The following MAPK8 variants were observed in gnomAD, a reference collection of about 807,000 sequenced individuals.
MAPK8 encodes the protein JUN N-terminal kinase.
A neutral mutation model predicts 52.9 loss-of-function variants in MAPK8; 13 were observed. The ratio of observed to expected loss-of-function variants is 0.25; its 90% CI spans 0.16 to 0.39. MAPK8 has a LOEUF of 0.39. Among genes scored for constraint, MAPK8 ranks in the 10% least tolerant of loss-of-function variants. The probability of loss-of-function intolerance (pLI) is 1.00; values close to 1 mark genes in which losing one functional copy is unlikely to be tolerated. For missense variants in MAPK8, 300 were observed against 519.2 expected (o/e 0.58, Z 4.10); for synonymous variants, 191 against 169.8 (o/e 1.12, Z -0.97).
At chr10:48,390,537 A>C (rs774124038) in intron 1 of MAPK8, among the ~76,000 whole-genome samples, 1 of 152,196 alleles carries the variant, frequency 6.6e-6, no homozygotes, top group Non-Finnish European at 1.5e-5. Context: ...CAGGGTCTCT[A>C]AAGTCTGGCT....
intron 1 of MAPK8, among the ~76,000 whole-genome samples, chr10:48,342,982 T>C (rs1845448282): frequency 6.6e-6 from 1 of 152,180 alleles, no homozygotes; most frequent in African/African-American, 2.4e-5. Flanking sequence ...GAATTCCCCC[T>C]ATTGAATATC....
chr10:48,404,170 A>G (rs909259315), intron 2 of MAPK8, among the ~76,000 whole-genome samples: 4 of 147,136 alleles, frequency 2.7e-5, no homozygotes, highest in African/African-American at 7.5e-5. Flanking sequence ...TAGAATTTAT[A>G]TGCTTTTTTT....
intron 2 of MAPK8, among the ~76,000 whole-genome samples, chr10:48,404,233 T>C (rs2042333136): frequency 6.6e-6 from 1 of 151,832 alleles, no homozygotes; most frequent in African/African-American, 2.4e-5. Flanking sequence ...CTTGGCTCAC[T>C]GCAACTTCCG....
intron 1 of MAPK8, among the ~76,000 whole-genome samples, chr10:48,307,482 A>G (rs1841503750): frequency 6.6e-6 from 1 of 151,954 alleles, no homozygotes; most frequent in South Asian, 2.1e-4. Context: ...ATTTCTCTTG[A>G]GGGTCATCGG....
chr10:48,382,642 T>G (rs1189052137), intron 1 of MAPK8, among the ~76,000 whole-genome samples: 29 of 151,768 alleles, frequency 1.9e-4, no homozygotes, highest in Non-Finnish European at 1.9e-4. Flanking sequence ...GCACAGAGAA[T>G]TTAAGCTTTC....
chr10:48,333,755 G>A lies in MAPK8; in HGVS notation c.-50+26934G>A, dbSNP rs1189570009. On this transcript the variant is annotated intron_variant, in intron 1 of 11. Transcript: ENST00000374189. The stretch of plus-strand genomic sequence containing the variant: ...AGGAAAGCTAACTAGGGGCAGGAAA[G>A]GGGAGCCCCAGGCTGTGGATGCCTC... Among the ~76,000 whole-genome samples, 4 of 152,396 alleles carry A rather than the reference G, an allele frequency of 2.6e-5. No individual in the cohort carries two copies. In the East Asian group the frequency reaches 5.8e-4, roughly 22 times the overall value.
chr10:48,319,563 C>G lies in MAPK8; in HGVS notation c.-50+12742C>G, dbSNP rs111897533. ...GGAGTGCAGTGGCGTGATCCCGGCTCTCTACAGCCTCCACCTCCCGGGTTC... is the reference window on the plus strand; with the variant it reads ...GGAGTGCAGTGGCGTGATCCCGGCTGTCTACAGCCTCCACCTCCCGGGTTC... On this transcript the variant is annotated intron_variant, in intron 1 of 11. Coordinates refer to ENST00000374189, the MANE Select transcript of MAPK8 (RefSeq NM_001323329.2). Among the ~76,000 whole-genome samples the G allele has an allele frequency of 3.0e-3, 454 of 152,216 alleles. 4 individuals carry two copies. The highest frequency in any genetic ancestry group is 0.011 in the African/African-American group (442 of 41,520).
chr10:48,424,253 G>A lies in MAPK8; in HGVS notation c.688+94G>A, dbSNP rs74605312. The A allele has an allele frequency of 4.9e-3, 5,769 of 1,174,520 alleles. 227 individuals are homozygous for A. The African/African-American group carries it at 0.079, about 16-fold the overall frequency. The allele number at this position is 1,174,520 out of a possible 1,614,324, so 72.8% of individuals were successfully genotyped here. On this transcript the variant is annotated intron_variant, in intron 7 of 11. Transcript: ENST00000374189. Reference sequence around the variant, plus strand: ...GAATATGCTACATTTACACAGATGGGTTTTTAAACAGGCATAAAGTTTGTG... The same window carrying A: ...GAATATGCTACATTTACACAGATGGATTTTTAAACAGGCATAAAGTTTGTG...
chr10:48,339,385 G>A (rs932541408), intron 1 of MAPK8, among the ~76,000 whole-genome samples: 1 of 152,100 alleles, frequency 6.6e-6, no homozygotes, highest in African/African-American at 2.4e-5. Context: ...CTAGCCATAT[G>A]TAGAAGAATG....
chr10:48,337,817 C>T (rs969419189), intron 1 of MAPK8, among the ~76,000 whole-genome samples: 2 of 152,068 alleles, frequency 1.3e-5, no homozygotes, highest in Non-Finnish European at 2.9e-5. Flanking sequence ...CTACTGTGGA[C>T]ATTTTTATGT....
intron 5 of MAPK8, among the ~76,000 whole-genome samples, chr10:48,415,545 C>T (rs889026657): frequency 5.9e-5 from 9 of 152,164 alleles, no homozygotes; most frequent in African/African-American, 1.7e-4. Flanking sequence ...ACAACAACTG[C>T]GTATTTCCAT....
intron 1 of MAPK8, among the ~76,000 whole-genome samples, chr10:48,318,359 T>C (rs987787344): frequency 4.6e-5 from 7 of 152,186 alleles, no homozygotes; most frequent in Non-Finnish European, 7.3e-5. Context: ...TTTGAATAAC[T>C]GGGTACTACA....
intron 9 of MAPK8, chr10:48,426,742 G>A: frequency 2.0e-6 from 1 of 508,934 alleles, no homozygotes; most frequent in Non-Finnish European, 3.4e-6. Context: ...CCTAACCAGA[G>A]AACTAGGATG....
chr10:48,311,395 A>G (rs1841973706), intron 1 of MAPK8, among the ~76,000 whole-genome samples: 1 of 152,234 alleles, frequency 6.6e-6, no homozygotes, highest in South Asian at 2.1e-4. Context: ...CATTTGGACC[A>G]GTAATCCTCT....
chr10:48,428,842 A>C (rs1332597946), intron 10 of MAPK8, among the ~76,000 whole-genome samples: 1 of 151,856 alleles, frequency 6.6e-6, no homozygotes, highest in East Asian at 1.9e-4. Context: ...TTTTTTTGAG[A>C]CAGGGTCTCA....
At chr10:48,331,996 T>A (rs1844198220) in intron 1 of MAPK8, among the ~76,000 whole-genome samples, 1 of 152,194 alleles carries the variant, frequency 6.6e-6, no homozygotes, top group African/African-American at 2.4e-5. Flanking sequence ...CCAAGGGGTA[T>A]GATAATCTCA....
Position 48,405,056 on chromosome 10 carries a change from T to A in MAPK8, c.252+75T>A. 4 of 915,742 alleles carry A rather than the reference T, an allele frequency of 4.4e-6. No individual in the cohort carries two copies. In the East Asian group the frequency reaches 1.1e-4, roughly 24 times the overall value. 56.7% of individuals were successfully genotyped at this position (915,742 alleles called of 1,614,324 possible). On this transcript the variant is annotated intron_variant, in intron 3 of 11. Transcript: ENST00000374189. ...TCATGAATATGTGAATATCAAAGAC[T>A]AAATATTAGGGGCTTTAAATTGTTC...
chr10:48,419,109 A>T (rs989378033), intron 5 of MAPK8, among the ~76,000 whole-genome samples: 1 of 152,180 alleles, frequency 6.6e-6, no homozygotes, highest in African/African-American at 2.4e-5. Flanking sequence ...ATTTAATTTC[A>T]TAAAACCACT....
At chr10:48,415,155 A>G (rs1564606089) in intron 5 of MAPK8, among the ~76,000 whole-genome samples, 2 of 152,106 alleles carry the variant, frequency 1.3e-5, no homozygotes, top group Non-Finnish European at 2.9e-5. Flanking sequence ...CATAATAAAA[A>G]TCTCTTTAAA....
Sources: allele counts gnomAD v4.1 joint callset (sites outside exome capture counted in the v4.1 genomes callset), GRCh38; gene constraint gnomAD v4.1.1; transcripts MANE v1.5; gene names NCBI Gene and HGNC (gene_info 2026-07-23, HGNC 2026-07-21).